Variants in LARGE1 observed in about 807,000 individuals in gnomAD.
LARGE1 encodes the protein LARGE xylosyl- and glucuronyltransferase 1, also known as xylosyl- and glucuronyltransferase LARGE1.
LARGE1 carries 43 observed loss-of-function variants against 87.6 expected under a neutral mutation model. That is an observed-to-expected ratio of 0.49 (90% CI 0.38 to 0.63). The LOEUF (loss-of-function observed/expected upper bound fraction) is 0.63, where lower values mean the gene tolerates loss of function less well. LARGE1 is among the 30% of genes least tolerant of loss of function. The pLI is 0.00. For missense variants in LARGE1, 802 were observed against 1,000.2 expected (o/e 0.80, Z 2.67); for synonymous variants, 434 against 394.6 (o/e 1.10, Z -1.18).
chr22:33,574,484 G>GA (rs2078293670), intron 5 of LARGE1, among the ~76,000 whole-genome samples: 1 of 151,766 alleles, frequency 6.6e-6, no homozygotes, highest in Admixed American at 6.6e-5. Context: ...TTCAGCCCTT[G>GA]GTTGTTTGAG....
the LARGE1 span, among the ~76,000 whole-genome samples, chr22:33,142,053 C>CT: frequency 2.0e-5 from 3 of 152,010 alleles, no homozygotes; most frequent in African/African-American, 4.8e-5. Context: ...CAAAACAAGA[C>CT]TTTTTTTTAT....
At chr22:33,548,240 G>A (rs182881391) in intron 6 of LARGE1, among the ~76,000 whole-genome samples, 171 of 152,222 alleles carry the variant, frequency 1.1e-3, no homozygotes, top group South Asian at 3.1e-3. Context: ...CTTCCCCTAC[G>A]CTCTTTTGCT....
chr22:33,316,061 G>A, intron 11 of LARGE1, 24 bp downstream of exon 11: 2 of 1,612,416 alleles, frequency 1.2e-6, no homozygotes, highest in Middle Eastern at 1.7e-4. Context: ...AGGAGACTGG[G>A]GTGGGTGAGG....
rs1352150672 is a variant in LARGE1 at position 33,796,794 on chromosome 22, T to G, written c.-82-35236A>C. Among the ~76,000 whole-genome samples the G allele has an allele frequency of 4.1e-3, 552 of 134,138 alleles. 12 individuals carry two copies. The highest frequency in any genetic ancestry group is 0.029 in the East Asian group (130 of 4,516). The allele number at this position is 134,138 out of a possible 152,430, so 88.0% of individuals were successfully genotyped here. A position where few individuals can be genotyped will look rare whatever the true frequency, so the allele number is the denominator to read the frequency against. The stretch of plus-strand genomic sequence containing the variant: ...TTTTTTTTTTTTTTTTTTTTTCCCC[T>G]GAGATGGGATGTCGCTCCGTCTCCT... On this transcript the variant is annotated intron_variant, in intron 1 of 14. Transcript: ENST00000397394.
intron 11 of LARGE1, among the ~76,000 whole-genome samples, chr22:33,194,454 G>T (rs2146198197): frequency 6.6e-6 from 1 of 152,190 alleles, no homozygotes; most frequent in African/African-American, 2.4e-5. Flanking sequence ...CCATCAATTT[G>T]ATTTTCAAGG....
chr22:33,860,379 C>G (rs2063881057), intron 1 of LARGE1, among the ~76,000 whole-genome samples: 1 of 152,140 alleles, frequency 6.6e-6, no homozygotes, highest in South Asian at 2.1e-4. Context: ...ACAGTCTAAC[C>G]CATAGCACCT....
chr22:33,468,213 C>T (rs2068694579), intron 6 of LARGE1, among the ~76,000 whole-genome samples: 1 of 152,174 alleles, frequency 6.6e-6, no homozygotes, highest in Non-Finnish European at 1.5e-5. Context: ...AATGTCTCTG[C>T]ACAATTCACC....
At chr22:33,296,615 C>G (rs28582848) in intron 12 of LARGE1, among the ~76,000 whole-genome samples, 2,761 of 145,446 alleles carry the variant, frequency 0.019, 76 homozygotes, top group African/African-American at 0.067. Context: ...GTTGCCCAGG[C>G]TGGAGTGCAA....
intron 1 of LARGE1, among the ~76,000 whole-genome samples, chr22:33,776,041 C>G (rs558977968): frequency 6.6e-6 from 1 of 152,236 alleles, no homozygotes; most frequent in Admixed American, 6.5e-5. Flanking sequence ...CAGAGAGGAC[C>G]TTTCCCTCAC....
intron 2 of LARGE1, among the ~76,000 whole-genome samples, chr22:33,719,653 T>G (rs2083028188): frequency 6.6e-6 from 1 of 152,048 alleles, no homozygotes; most frequent in Non-Finnish European, 1.5e-5. Context: ...CCTGAGTAGC[T>G]GGGACTACAG....
the LARGE1 span, among the ~76,000 whole-genome samples, chr22:33,146,691 C>T: frequency 6.6e-6 from 1 of 152,016 alleles, no homozygotes. Context: ...CTCTTGTCAA[C>T]TTTATACTAC....
chr22:33,653,329 T>C (rs961032494), intron 2 of LARGE1, among the ~76,000 whole-genome samples: 6 of 152,350 alleles, frequency 3.9e-5, no homozygotes, highest in African/African-American at 1.4e-4. Flanking sequence ...GCAGTTTGAC[T>C]GTAAACAAGG....
At chr22:33,513,814 C>CACATGT (rs2071165343) in intron 6 of LARGE1, among the ~76,000 whole-genome samples, 2 of 122,186 alleles carry the variant, frequency 1.6e-5, no homozygotes, top group African/African-American at 6.7e-5. Context: ...AGCTGATGTA[C>CACATGT]ACACACACAC....
At chr22:33,700,625 T>C (rs188155049) in intron 2 of LARGE1, among the ~76,000 whole-genome samples, 2 of 152,216 alleles carry the variant, frequency 1.3e-5, no homozygotes, top group East Asian at 3.9e-4. Flanking sequence ...ACTGTGGTGC[T>C]CTCTTATTGA....
chr22:33,323,588 A>T (rs1338215405), intron 10 of LARGE1, among the ~76,000 whole-genome samples: 1 of 152,080 alleles, frequency 6.6e-6, no homozygotes, highest in East Asian at 1.9e-4. Context: ...TGAACGAAGC[A>T]GGCCATAAAA....
At chr22:33,223,937 G>A (rs1410974254) in intron 11 of LARGE1, among the ~76,000 whole-genome samples, 31 of 152,104 alleles carry the variant, frequency 2.0e-4, no homozygotes, top group Admixed American at 1.9e-3. Context: ...CGGCATCCTC[G>A]TATGCTCACA....
intron 6 of LARGE1, among the ~76,000 whole-genome samples, chr22:33,549,042 TTCTAGGGAAGCTGGTAATTTC>T (rs1291407040): frequency 2.0e-5 from 3 of 152,208 alleles, no homozygotes; most frequent in Non-Finnish European, 4.4e-5. Flanking sequence ...ATCCCTTTGC[TTCTAGGGAAGCTGGTAATTTC>T]CACCAGGACC....
At chr22:33,283,023 C>T (rs1455277675) in intron 13 of LARGE1, among the ~76,000 whole-genome samples, 179 bp downstream of exon 13, 1 of 152,100 alleles carries the variant, frequency 6.6e-6, no homozygotes. Flanking sequence ...TGGCACGTAC[C>T]GGCATGGGGA....
intron 6 of LARGE1, among the ~76,000 whole-genome samples, chr22:33,562,635 T>C (rs1480714147): frequency 1.3e-5 from 2 of 152,194 alleles, no homozygotes; most frequent in Non-Finnish European, 2.9e-5. Flanking sequence ...GGGCCAGCTA[T>C]GGGAGCAGCA....
Sources: allele counts gnomAD v4.1 joint callset (sites outside exome capture counted in the v4.1 genomes callset), GRCh38; gene constraint gnomAD v4.1.1; transcripts MANE v1.5; gene names NCBI Gene and HGNC (gene_info 2026-07-23, HGNC 2026-07-21).